Variants in THSD7A observed in about 807,000 individuals in gnomAD.
THSD7A encodes the protein thrombospondin type 1 domain containing 7A.
A neutral mutation model predicts 231.3 loss-of-function variants in THSD7A; 96 were observed. That is an observed-to-expected ratio of 0.41 (90% CI 0.35 to 0.49). The LOEUF is 0.49. Ranked by LOEUF, THSD7A falls within the 20% of genes least tolerant of loss-of-function variation. The probability of loss-of-function intolerance (pLI) is 0.05; values close to 1 mark genes in which losing one functional copy is unlikely to be tolerated. For missense variants in THSD7A, 2,290 were observed against 2,070.2 expected (o/e 1.11, Z -2.06); for synonymous variants, 940 against 743.3 (o/e 1.26, Z -4.30).
At chr7:11,591,853 T>C (rs75215474) in intron 3 of THSD7A, among the ~76,000 whole-genome samples, 2 of 152,148 alleles carry the variant, frequency 1.3e-5, no homozygotes, top group Non-Finnish European at 2.9e-5. Flanking sequence ...TCTAAATAAA[T>C]TGAAGTTCTG....
chr7:11,679,377 A>T (rs964349383), intron 1 of THSD7A, among the ~76,000 whole-genome samples: 2 of 152,090 alleles, frequency 1.3e-5, no homozygotes, highest in Admixed American at 1.3e-4. Flanking sequence ...AGAAATAAAA[A>T]GCATTCAAAT....
At position 11,375,447 on chromosome 7, in the gene THSD7A, A is replaced by T. The variant is rs1222477495; in HGVS notation, c.*347T>A. On this transcript the variant is annotated 3_prime_UTR_variant, in exon 28 of 28. Transcript: ENST00000423059. ...AGGAAGTTTTATGGATTAACACTGC[A>T]GACGGTCTTGTATCAGGCATCCTAA... 5.5e-6 allele frequency: 1 copy of T among 180,938 alleles called. No homozygotes were observed. Among genetic ancestry groups the T allele is most frequent in the Non-Finnish European group, 1.2e-5 (1 of 86,738 alleles). The allele number at this position is 180,938 out of a possible 1,614,324, so 11.2% of individuals were successfully genotyped here.
intron 1 of THSD7A, among the ~76,000 whole-genome samples, chr7:11,777,946 G>A (rs1783475477): frequency 6.7e-6 from 1 of 150,084 alleles, no homozygotes; most frequent in African/African-American, 2.5e-5. Flanking sequence ...TCAAGAGATC[G>A]AGACCATCCC....
intron 6 of THSD7A, among the ~76,000 whole-genome samples, chr7:11,515,955 C>G (rs1189487775): frequency 1.3e-5 from 2 of 152,228 alleles, no homozygotes; most frequent in African/African-American, 4.8e-5. Flanking sequence ...CACTATCAAT[C>G]ATGATTTAAA....
chr7:11,468,170 A>G (rs1329805501), intron 9 of THSD7A, among the ~76,000 whole-genome samples: 2 of 152,114 alleles, frequency 1.3e-5, no homozygotes, highest in Non-Finnish European at 2.9e-5. Context: ...CATGCTTGGA[A>G]TTATTAGTAA....
At chr7:11,697,143 CTCAT>C in intron 1 of THSD7A, among the ~76,000 whole-genome samples, 1 of 151,372 alleles carries the variant, frequency 6.6e-6, no homozygotes, top group South Asian at 2.1e-4. Context: ...TATTATAATT[CTCAT>C]TGTTTTAATA....
At chr7:11,747,094 A>G (rs1055419410) in intron 1 of THSD7A, among the ~76,000 whole-genome samples, 1 of 151,898 alleles carries the variant, frequency 6.6e-6, no homozygotes, top group African/African-American at 2.4e-5. Flanking sequence ...CACCTTTGGA[A>G]ATTACTAGCT....
chr7:11,490,875 G>A (rs1441089341), intron 6 of THSD7A, among the ~76,000 whole-genome samples: 1 of 151,942 alleles, frequency 6.6e-6, no homozygotes, highest in Non-Finnish European at 1.5e-5. Flanking sequence ...AGTACTTATG[G>A]TATTCCCATT....
intron 1 of THSD7A, among the ~76,000 whole-genome samples, chr7:11,698,991 C>G (rs1192972618): frequency 9.0e-6 from 1 of 110,810 alleles, no homozygotes; most frequent in Middle Eastern, 4.8e-3. Context: ...TTTTTTTTTG[C>G]ATTCACAATG....
At chr7:11,498,274 C>T (rs1787188355) in intron 6 of THSD7A, among the ~76,000 whole-genome samples, 1 of 152,214 alleles carries the variant, frequency 6.6e-6, no homozygotes, top group Admixed American at 6.5e-5. Context: ...GCCATCTTTG[C>T]TGTTTGGGTG....
chr7:11,464,253 A>G (rs1031355394), intron 9 of THSD7A, among the ~76,000 whole-genome samples: 1 of 151,580 alleles, frequency 6.6e-6, no homozygotes, highest in Non-Finnish European at 1.5e-5. Context: ...TTTAATGGGG[A>G]GGTAAGACGT....
intron 4 of THSD7A, among the ~76,000 whole-genome samples, chr7:11,552,764 G>A (rs911662324): frequency 6.6e-6 from 1 of 152,082 alleles, no homozygotes; most frequent in African/African-American, 2.4e-5. Context: ...GTAAGGAACA[G>A]ACAAGATGGT....
rs62438166 is a variant in THSD7A at position 11,432,187 on chromosome 7, G to A, written c.3065-3062C>T. ...TAATACAATCCATAGCACTTACTCA[G>A]GTTTCACAAGCTTTACTTTTAATCA... On this transcript the variant is annotated intron_variant, in intron 13 of 27. Coordinates refer to ENST00000423059, the MANE Select transcript of THSD7A (RefSeq NM_015204.3). Among the ~76,000 whole-genome samples the A allele has an allele frequency of 6.1e-3, 933 of 152,082 alleles. 8 individuals carry two copies. The highest frequency in any genetic ancestry group is 0.01 in the Non-Finnish European group (694 of 67,964).
intron 1 of THSD7A, among the ~76,000 whole-genome samples, chr7:11,714,471 A>G (rs1781070605): frequency 6.6e-6 from 1 of 151,204 alleles, no homozygotes. Context: ...AGCTACTGAG[A>G]CATTTCTCAG....
chr7:11,733,349 C>T (rs1004988667), intron 1 of THSD7A, among the ~76,000 whole-genome samples: 1 of 151,796 alleles, frequency 6.6e-6, no homozygotes, highest in African/African-American at 2.4e-5. Flanking sequence ...GTCAATACAT[C>T]ATTATGTTGA....
chr7:11,392,400 C>T (rs937072135), intron 23 of THSD7A, among the ~76,000 whole-genome samples: 1 of 152,126 alleles, frequency 6.6e-6, no homozygotes, highest in Non-Finnish European at 1.5e-5. Context: ...CCAGGAGATT[C>T]CCTCGGGTGC....
In THSD7A at chr7:11,804,248, T is replaced by G. The variant is rs1016786882; in HGVS notation, c.190+27509A>C. ...TAAATGTTTATGTATTCCTTCCTTTTAAGTAAAATCTTTAGACATAGCATT... is the reference window on the plus strand; with the variant it reads ...TAAATGTTTATGTATTCCTTCCTTTGAAGTAAAATCTTTAGACATAGCATT... On this transcript the variant is annotated intron_variant, in intron 1 of 27. Transcript: ENST00000423059. 3.3e-5 allele frequency among the ~76,000 whole-genome samples: 5 copies of G among 152,286 alleles called. No individual in the cohort carries two copies. In the East Asian group the frequency reaches 9.6e-4, roughly 29 times the overall value.
intron 1 of THSD7A, among the ~76,000 whole-genome samples, chr7:11,665,522 A>C (rs1477769180): frequency 6.6e-6 from 1 of 152,126 alleles, no homozygotes. Context: ...ATCCATTTTC[A>C]AAGAAGGTTT....
chr7:11,696,610 C>T (rs1168397671), intron 1 of THSD7A, among the ~76,000 whole-genome samples: 4 of 151,146 alleles, frequency 2.6e-5, no homozygotes, highest in African/African-American at 4.9e-5. Context: ...CGACAGGCCC[C>T]GCCAAATCAT....
Sources: gnomAD v4.1 joint callset for allele counts (sites outside exome capture counted in the v4.1 genomes callset) on GRCh38, gnomAD v4.1.1 for gene constraint, MANE v1.5 for transcripts, NCBI Gene and HGNC (gene_info 2026-07-23, HGNC 2026-07-21) for gene names.